Variants in TEP1 observed in about 807,000 individuals in gnomAD.
TEP1 encodes telomerase associated protein 1.
A neutral mutation model predicts 306.3 loss-of-function variants in TEP1; 241 were observed. The ratio of observed to expected loss-of-function variants is 0.79; its 90% CI spans 0.71 to 0.88. TEP1 has a LOEUF of 0.88. Among genes scored for constraint, TEP1 ranks in the 40% least tolerant of loss-of-function variants. TEP1 has a pLI of 0.00. For missense variants in TEP1, 3,051 were observed against 3,276.1 expected (o/e 0.93, Z 1.68); for synonymous variants, 1,289 against 1,305.5 (o/e 0.99, Z 0.27).
chr14:20,368,661 A>ACCTGTTTCTT, intron 54 of TEP1, 102 bp from the exon 55 acceptor site: 1 of 1,559,628 alleles, frequency 6.4e-7, no homozygotes, highest in Non-Finnish European at 8.8e-7. Flanking sequence ...GGTTAGTCAT[A>ACCTGTTTCTT]CATTGCAAGT....
chr14:20,391,993 G>A (rs1877771065), intron 12 of TEP1, among the ~76,000 whole-genome samples: 2 of 152,132 alleles, frequency 1.3e-5, no homozygotes, highest in South Asian at 2.1e-4. Flanking sequence ...GTAGGAGAGG[G>A]GAAGTCACCT....
chr14:20,408,059 C>A lies in TEP1; in HGVS notation c.381G>T (p.Leu127Phe), dbSNP rs368375484. 4 of 1,614,164 alleles carry A rather than the reference C, an allele frequency of 2.5e-6. No homozygotes were observed. In the East Asian group the frequency reaches 8.9e-5, roughly 36 times the overall value. Reference sequence around the variant, plus strand: ...TGTGAGATATCTGTAGACTCTGGAACAAGGGGCTGGCAGACACAGTGCTCT... The same window carrying A: ...TGTGAGATATCTGTAGACTCTGGAAAAAGGGGCTGGCAGACACAGTGCTCT... ...SLKSTVSASP[L>F]FQSLQISHMT... The change falls in exon 2 of 55, where the codon TTG becomes TTT. Residue 127 changes from leucine (L) to phenylalanine (F), a missense_variant. Physicochemically the swap from Leu to Phe is conservative, Grantham distance 22. This residue lies in a region of TEP1 where 1,507 missense variants were observed against 1,550.5 expected (regional missense o/e 0.97). Coordinates refer to ENST00000262715, the MANE Select transcript of TEP1 (RefSeq NM_007110.5).
At chr14:20,368,581 G>A (rs1360503543) in intron 54 of TEP1, 22 bp from the exon 55 acceptor site, 3 of 1,613,746 alleles carry the variant, frequency 1.9e-6, no homozygotes, top group Non-Finnish European at 2.5e-6. Flanking sequence ...ACAAAAATAG[G>A]GGAGGTCAGG....
At chr14:20,368,621 TCTCACATTAATGCCTTTTATTTAGAAA>T in intron 54 of TEP1, 62 bp from the exon 55 acceptor site, 3 of 1,603,736 alleles carry the variant, frequency 1.9e-6, no homozygotes, top group Non-Finnish European at 2.6e-6. Flanking sequence ...ACTTATTTTT[TCTCACATTAATGCCTTTTATTTAGAAA>T]CAGGTTAGTC....
chr14:20,373,753 C>T lies in TEP1; in HGVS notation c.6529G>A (p.Gly2177Ser). Reference protein sequence around the residue: ...DGTLKVWDHQGVELTSIPAHS... With the variant: ...DGTLKVWDHQSVELTSIPAHS... Reference sequence around the variant, plus strand: ...GCAGGGATGCTGGTCAGCTCCACGCCTTGATGGTCCCACACTTTCAAGGTC... The same window carrying T: ...GCAGGGATGCTGGTCAGCTCCACGCTTTGATGGTCCCACACTTTCAAGGTC... The change falls in exon 45 of 55, where the codon GGC (glycine) becomes AGC (serine). Residue 2177 changes from glycine (G) to serine (S), a missense_variant. Physicochemically the swap from Gly to Ser is moderately conservative, Grantham distance 56. Around this residue, in one of 3 missense-constraint regions of TEP1, gnomAD observed 1,540 missense variants for 1,705.9 expected, o/e 0.90. Transcript: ENST00000262715. 1 of 1,614,180 alleles carries T rather than the reference C, an allele frequency of 6.2e-7. No homozygotes were observed. Among genetic ancestry groups the T allele is most frequent in the Non-Finnish European group, 8.5e-7 (1 of 1,180,034 alleles).
chr14:20,388,206 GT>G, intron 17 of TEP1, 143 bp from the exon 18 acceptor site: 4 of 805,816 alleles, frequency 5.0e-6, no homozygotes, highest in Non-Finnish European at 7.8e-6. Flanking sequence ...ACCATAAGCA[GT>G]TTATGCAGAC....
rs764520385 is a variant in TEP1, at chr14:20,369,784, G to A, written c.7318-5C>T. 6.8e-6 allele frequency: 11 copies of A among 1,611,126 alleles called. No individual in the cohort carries two copies. The highest frequency in any genetic ancestry group is 9.3e-6 in the Non-Finnish European group (11 of 1,177,902). On this transcript the variant is annotated splice_region_variant and splice_polypyrimidine_tract_variant and intron_variant, in intron 51 of 54. Transcript: ENST00000262715. ...CTCTCCTGATTCCTTTTGCCTCTGT[G>A]AAAGAATAGGTAATTTTGTTTAGCC... is the stretch of plus-strand genomic sequence containing the variant.
Position 20,386,142 on chromosome 14 carries a change from A to G in TEP1, c.2915T>C (p.Ile972Thr). 6.2e-7 allele frequency: 1 copy of G among 1,613,530 alleles called. No homozygotes were observed. Among genetic ancestry groups the G allele is most frequent in the South Asian group, 1.1e-5 (1 of 90,974 alleles). ...AATGTATCCATAACGGGAGCCCAGAATCCCCACAAACAGCTGTGCGTTCTC... is the reference window on the plus strand; with the variant it reads ...AATGTATCCATAACGGGAGCCCAGAGTCCCCACAAACAGCTGTGCGTTCTC... ...EVENAQLFVGILGSRYGYIPP... is the reference protein window; with the variant it reads ...EVENAQLFVGTLGSRYGYIPP... The change falls in exon 20 of 55, where the codon ATT becomes ACT. Residue 972 changes from isoleucine (I) to threonine (T), a missense_variant. Transcript: ENST00000262715.
chr14:20,396,840 GC>G, intron 9 of TEP1, 110 bp from the exon 10 acceptor site: 1 of 669,480 alleles, frequency 1.5e-6, no homozygotes, highest in Non-Finnish European at 2.4e-6. Flanking sequence ...GATCACTTGA[GC>G]CCAGAACCCA....
chr14:20,383,475 T>C lies in TEP1; in HGVS notation c.3867+13A>G. 1 of 1,614,100 alleles carries C rather than the reference T, an allele frequency of 6.2e-7. No homozygotes were observed. Among genetic ancestry groups the C allele is most frequent in the South Asian group, 1.1e-5 (1 of 91,076 alleles). Reference sequence around the variant, plus strand: ...AGCCTGCCTCCCGACACCCACCTCCTTCTCACACTCACCCGGGGAAGCTTC... The same window carrying C: ...AGCCTGCCTCCCGACACCCACCTCCCTCTCACACTCACCCGGGGAAGCTTC... On this transcript the variant is annotated intron_variant, in intron 26 of 54. Coordinates refer to ENST00000262715, the MANE Select transcript of TEP1 (RefSeq NM_007110.5).
intron 1 of TEP1, among the ~76,000 whole-genome samples, chr14:20,411,277 C>T (rs1879667153): frequency 6.6e-6 from 1 of 152,200 alleles, no homozygotes; most frequent in African/African-American, 2.4e-5. Context: ...GCACTCTAAG[C>T]TTCAATCATA....
At chr14:20,410,058 G>A (rs1879534115) in intron 1 of TEP1, among the ~76,000 whole-genome samples, 2 of 107,980 alleles carry the variant, frequency 1.9e-5, no homozygotes, top group Non-Finnish European at 4.0e-5. Flanking sequence ...AAAAAAAAAT[G>A]CCTACCTCAC....
At chr14:20,394,785 C>T (rs1305431363) in intron 12 of TEP1, among the ~76,000 whole-genome samples, 1 of 152,166 alleles carries the variant, frequency 6.6e-6, no homozygotes, top group Non-Finnish European at 1.5e-5. Flanking sequence ...TGAGCCACCA[C>T]ACCCAGCCAG....
At chr14:20,383,961 C>G (rs751412481) in intron 24 of TEP1, 43 bp from the exon 25 acceptor site, 1 of 1,588,328 alleles carries the variant, frequency 6.3e-7, no homozygotes, top group Admixed American at 1.7e-5. Flanking sequence ...ATTTTACATG[C>G]CTGAGCTCCC....
Position 20,366,995 on chromosome 14 carries a change from AGAG to A in TEP1, c.*1439_*1441del, listed in dbSNP as rs1884504023. On this transcript the variant is annotated 3_prime_UTR_variant, in exon 55 of 55. Transcript: ENST00000262715. ...ACACCCCAGCTAAGGCTGGAGTAAC[AGAG>A]GAGGAAAGTTAAGCAAAGGCTAACC... The A allele has an allele frequency of 6.8e-6, 1 of 146,588 alleles. No homozygotes were observed. The highest frequency in any genetic ancestry group is 2.8e-5 in the African/African-American group (1 of 36,064). 9.1% of individuals were successfully genotyped at this position (146,588 alleles called of 1,614,324 possible).
intron 4 of TEP1, 97 bp downstream of exon 4, chr14:20,405,354 C>G (rs1305117119): frequency 1.3e-6 from 2 of 1,520,370 alleles, no homozygotes; most frequent in Admixed American, 1.8e-5. Flanking sequence ...CTCCTCCCAC[C>G]CCCAACATGA....
chr14:20,408,130 T>C lies in TEP1; in HGVS notation c.310A>G (p.Ile104Val), dbSNP rs772290105. 4 of 1,609,874 alleles carry C rather than the reference T, an allele frequency of 2.5e-6. No homozygotes were observed. In the Admixed American group the frequency reaches 5.0e-5, roughly 20 times the overall value. ...AGGCACCGGTTCTCCAAGGAGAGGATGTCTGGGTGGGCAGAAACATGTCCA... is the reference window on the plus strand; with the variant it reads ...AGGCACCGGTTCTCCAAGGAGAGGACGTCTGGGTGGGCAGAAACATGTCCA... Reference protein sequence around the residue: ...PHGHVSAHPDILSLENRCLAT... With the variant: ...PHGHVSAHPDVLSLENRCLAT... Residue 104 changes from isoleucine (I) to valine (V), a missense_variant, in exon 2 of 55, where the codon ATC becomes GTC. This residue lies in a region of TEP1 where 1,507 missense variants were observed against 1,550.5 expected (regional missense o/e 0.97). Coordinates refer to ENST00000262715, the MANE Select transcript of TEP1 (RefSeq NM_007110.5).
chr14:20,374,257 T>C (rs1885038636), intron 44 of TEP1, among the ~76,000 whole-genome samples, 172 bp downstream of exon 44: 1 of 151,938 alleles, frequency 6.6e-6, no homozygotes, highest in African/African-American at 2.4e-5. Flanking sequence ...ACCCAGCTAA[T>C]TTTTATTTTT....
rs140077951 is a variant in TEP1 at position 20,408,279 on chromosome 14, G to A, written c.161C>T (p.Thr54Met). Residue 54 changes from threonine to methionine, a missense_variant, in exon 2 of 55, where the codon ACG becomes ATG. By Grantham distance (81) the Thr-to-Met change is moderately conservative (BLOSUM62 -1). Coordinates refer to ENST00000262715, the MANE Select transcript of TEP1 (RefSeq NM_007110.5). Reference protein sequence around the residue: ...ILSLKNQCLATLPDLKTMEKP... With the variant: ...ILSLKNQCLAMLPDLKTMEKP... ...TTCCATGGTCTTCAGGTCAGGAAGCGTGGCTAGGCACTGGTTCTTCAAGGA... is the reference window on the plus strand; with the variant it reads ...TTCCATGGTCTTCAGGTCAGGAAGCATGGCTAGGCACTGGTTCTTCAAGGA... 2.4e-4 allele frequency: 395 copies of A among 1,613,484 alleles called. No homozygotes were observed. Among genetic ancestry groups the A allele is most frequent in the East Asian group, 2.9e-4 (13 of 44,862 alleles).
Sources: gnomAD v4.1 joint callset for allele counts (sites outside exome capture counted in the v4.1 genomes callset) on GRCh38, gnomAD v4.1.1 for gene constraint, gnomAD v4.1.1 regional missense constraint, MANE v1.5 for transcripts, NCBI Gene and HGNC (gene_info 2026-07-23, HGNC 2026-07-21) for gene names.